Variants in ABCB4 observed in about 807,000 individuals in gnomAD.
The protein encoded by ABCB4 is phosphatidylcholine translocator ABCB4.
Under a neutral mutation model 145.7 loss-of-function variants are expected in ABCB4, and 76 were observed. That is an observed-to-expected ratio of 0.52 (90% confidence interval 0.43 to 0.63). The LOEUF is 0.63. ABCB4 is among the 30% of genes least tolerant of loss of function. ABCB4 has a pLI of 0.00. For missense variants in ABCB4, 1,234 were observed against 1,553.1 expected, an observed-to-expected ratio of 0.79 and a Z score of 3.45; for synonymous variants, 517 against 566.8, an observed-to-expected ratio of 0.91 and a Z score of 1.25.
chr7:87,390,812 T>G, the ABCB4 span, among the ~76,000 whole-genome samples: 1,305 of 152,332 alleles, frequency 8.6e-3, 30 homozygotes, highest in African/African-American at 0.03. Flanking sequence ...TGTAATAAAT[T>G]ACCCCAAAAC....
At chr7:87,411,819 C>T in intron 23 of ABCB4, 74 bp downstream of exon 23, 1 of 1,448,878 alleles carries the variant, frequency 6.9e-7, no homozygotes, top group African/African-American at 1.4e-5. Context: ...TCATTTTTTT[C>T]CTACTCTAAA....
chr7:87,469,498 T>A, intron 3 of ABCB4, among the ~76,000 whole-genome samples: 1 of 152,232 alleles, frequency 6.6e-6, no homozygotes, highest in Non-Finnish European at 1.5e-5. Context: ...AAAGCCTCCT[T>A]AAGCTGATAA....
chr7:87,392,419 A>T, the ABCB4 span: 1 of 650,770 alleles, frequency 1.5e-6, no homozygotes. Context: ...TAACTGATGG[A>T]AAGATATAGG....
the ABCB4 span, among the ~76,000 whole-genome samples, chr7:87,387,486 C>T: frequency 1.3e-5 from 2 of 151,340 alleles, no homozygotes; most frequent in Admixed American, 1.3e-4. Flanking sequence ...ACAGTTGACC[C>T]TTCAACATCA....
intron 15 of ABCB4, among the ~76,000 whole-genome samples, chr7:87,427,230 G>A (rs1176184396): frequency 6.6e-6 from 1 of 151,728 alleles, no homozygotes; most frequent in African/African-American, 2.4e-5. Flanking sequence ...ATAATCCAGG[G>A]AACAAGTCAT....
chr7:87,475,815 G>A, upstream of ABCB4: 2 of 167,868 alleles, frequency 1.2e-5, no homozygotes, highest in Non-Finnish European at 2.4e-5. Context: ...AGCAGCTCCC[G>A]CCGCCCGCCC....
intron 14 of ABCB4, among the ~76,000 whole-genome samples, chr7:87,437,586 T>C (rs1282028360): frequency 6.6e-6 from 1 of 152,228 alleles, no homozygotes; most frequent in East Asian, 1.9e-4. Flanking sequence ...CAATATCAAG[T>C]GTTTCATATG....
chr7:87,435,903 T>C (rs1167690013), intron 14 of ABCB4, among the ~76,000 whole-genome samples: 1 of 152,162 alleles, frequency 6.6e-6, no homozygotes, highest in Admixed American at 6.6e-5. Context: ...TAGTGGAGAC[T>C]GAAACAAGAG....
intron 23 of ABCB4, among the ~76,000 whole-genome samples, chr7:87,411,164 GA>G (rs548531867): frequency 1.2e-4 from 18 of 147,764 alleles, no homozygotes; most frequent in South Asian, 4.3e-4. Context: ...AATTTTGGAT[GA>G]AAAAAAAAAC....
the ABCB4 span, chr7:87,375,474 A>C: frequency 1.8e-6 from 1 of 563,936 alleles, no homozygotes; most frequent in African/African-American, 1.9e-5. Flanking sequence ...ATCACTTAAA[A>C]AAATATGTGA....
intron 9 of ABCB4, 54 bp downstream of exon 9, chr7:87,446,980 A>T: frequency 6.8e-7 from 1 of 1,467,854 alleles, no homozygotes; most frequent in Non-Finnish European, 9.5e-7. Flanking sequence ...AAGAGAAGGT[A>T]GATGGAGAAA....
chr7:87,395,192 C>A, the ABCB4 span, among the ~76,000 whole-genome samples: 1 of 152,184 alleles, frequency 6.6e-6, no homozygotes, highest in Non-Finnish European at 1.5e-5. Flanking sequence ...AAGTTAGAGT[C>A]CAACGTTCAA....
chr7:87,420,220 GC>G, intron 18 of ABCB4, 145 bp from the exon 19 acceptor site: 1 of 737,082 alleles, frequency 1.4e-6, no homozygotes, highest in Non-Finnish European at 2.4e-6. Flanking sequence ...AACCTGAGCA[GC>G]CCCAGATGAA....
chr7:87,470,220 A>C (rs1339916434), intron 3 of ABCB4, among the ~76,000 whole-genome samples: 1 of 152,240 alleles, frequency 6.6e-6, no homozygotes, highest in Admixed American at 6.5e-5. Flanking sequence ...ACATTAATTC[A>C]AGATGGATTA....
intron 4 of ABCB4, among the ~76,000 whole-genome samples, chr7:87,455,866 T>C (rs60123540): frequency 0.23 from 34,868 of 152,000 alleles, 5,327 homozygotes; most frequent in African/African-American, 0.44. Flanking sequence ...AAGATAAGGT[T>C]GAAACTTATT....
At position 87,443,775 on chromosome 7, in the gene ABCB4, T is replaced by C; in HGVS notation, c.1120-2A>G. 1 of 1,603,336 alleles carries C rather than the reference T, an allele frequency of 6.2e-7. No individual in the cohort carries two copies. The highest frequency in any genetic ancestry group is 8.5e-7 in the Non-Finnish European group (1 of 1,170,356). ...TGAAAAACTGTCAATTTTAGGATTCTAAATAAAACAAAATGTAATGACTAT... is the reference window on the plus strand; with the variant it reads ...TGAAAAACTGTCAATTTTAGGATTCCAAATAAAACAAAATGTAATGACTAT... On this transcript the variant is annotated splice_acceptor_variant, in intron 10 of 27. Coordinates refer to ENST00000649586, the MANE Select transcript of ABCB4 (RefSeq NM_000443.4). LOFTEE classifies it high-confidence loss of function.
At position 87,440,325 on chromosome 7, in the gene ABCB4, C is replaced by T; in HGVS notation, c.1434G>A (p.Glu478=). The T allele has an allele frequency of 6.2e-7, 1 of 1,614,124 alleles. No individual in the cohort carries two copies. Among genetic ancestry groups the T allele is most frequent in the East Asian group, 2.2e-5 (1 of 44,860 alleles). ...CAATTGTGGTGGAAAACAGCACCGG[C>T]TCCTGACTCACCACACCAATGATTT... The part of the protein sequence containing the change: ...LREIIGVVSQ[E]PVLFSTTIAE... The change falls in exon 13 of 28, where the codon GAG becomes GAA. Residue 478 remains glutamate, a synonymous_variant. Transcript: ENST00000649586.
chr7:87,384,475 T>A, the ABCB4 span, among the ~76,000 whole-genome samples: 3 of 152,190 alleles, frequency 2.0e-5, no homozygotes, highest in African/African-American at 7.2e-5. Flanking sequence ...GAGGTTGCAG[T>A]GAGCTGAGAT....
At chr7:87,428,062 G>A (rs1435372900) in intron 15 of ABCB4, among the ~76,000 whole-genome samples, 4 of 152,042 alleles carry the variant, frequency 2.6e-5, no homozygotes, top group Non-Finnish European at 5.9e-5. Flanking sequence ...TCTAGCTCAT[G>A]GCAAGTCAAA....
Sources: allele counts gnomAD v4.1 joint callset (sites outside exome capture counted in the v4.1 genomes callset), GRCh38; gene constraint gnomAD v4.1.1; transcripts MANE v1.5; gene names NCBI Gene and HGNC (gene_info 2026-07-23, HGNC 2026-07-21).